The following JPH2 variants were observed in gnomAD, a reference collection of about 807,000 sequenced individuals.
The protein encoded by JPH2 is junctophilin-2.
In JPH2, 38 loss-of-function variants were observed where a neutral mutation model predicts 55.9. The observed-to-expected ratio is 0.68, with a 90% CI of 0.52 to 0.89. The LOEUF (loss-of-function observed/expected upper bound fraction) is 0.89, where lower values mean the gene tolerates loss of function less well. JPH2 is among the 40% of genes least tolerant of loss of function. The pLI is 0.00. For missense variants in JPH2, 964 were observed against 1,037.6 expected (o/e 0.93, Z 0.97); for synonymous variants, 480 against 472.4 (o/e 1.02, Z -0.21).
At chr20:44,167,202 C>T (rs75337064) in intron 1 of JPH2, among the ~76,000 whole-genome samples, 2,463 of 152,282 alleles carry the variant, frequency 0.016, 83 homozygotes, top group African/African-American at 0.057. Flanking sequence ...GCACTTTCCA[C>T]AGGTGCCATT....
At chr20:44,163,006 C>T (rs2072626853) in intron 1 of JPH2, among the ~76,000 whole-genome samples, 1 of 151,724 alleles carries the variant, frequency 6.6e-6, no homozygotes, top group South Asian at 2.1e-4. Flanking sequence ...TGCCTGCACC[C>T]CCACCACCCT....
At chr20:44,140,118 G>A (rs575703955) in intron 2 of JPH2, among the ~76,000 whole-genome samples, 4 of 152,240 alleles carry the variant, frequency 2.6e-5, no homozygotes, top group South Asian at 2.1e-4. Flanking sequence ...TGATCTGCCC[G>A]CCTCGGCCTC....
chr20:44,153,663 G>A (rs569752629), intron 2 of JPH2, among the ~76,000 whole-genome samples: 9 of 152,320 alleles, frequency 5.9e-5, no homozygotes, highest in Admixed American at 2.6e-4. Context: ...CCTCTGCCAC[G>A]GGGGCACAAC....
intron 2 of JPH2, among the ~76,000 whole-genome samples, chr20:44,153,517 C>T (rs1335160325): frequency 6.6e-6 from 1 of 152,182 alleles, no homozygotes; most frequent in African/African-American, 2.4e-5. Flanking sequence ...TTCGGAGTTT[C>T]CAGAGCCAGC....
At chr20:44,165,560 G>A (rs1369786070) in intron 1 of JPH2, among the ~76,000 whole-genome samples, 1 of 152,094 alleles carries the variant, frequency 6.6e-6, no homozygotes, top group South Asian at 2.1e-4. Flanking sequence ...GTCAGATTAC[G>A]ACACTGCACT....
chr20:44,149,426 C>T (rs528717570), intron 2 of JPH2, among the ~76,000 whole-genome samples: 6 of 152,358 alleles, frequency 3.9e-5, no homozygotes, highest in South Asian at 4.1e-4. Flanking sequence ...ATGATTTCTC[C>T]GCCTGCATAA....
At position 44,134,091 on chromosome 20, in the gene JPH2, T is replaced by C. The variant is rs1357391136; in HGVS notation, c.1170-15468A>G. On this transcript the variant is annotated intron_variant, in intron 2 of 5. Transcript: ENST00000372980. Reference sequence around the variant, plus strand: ...TATATAAATATATATTTATTATAAATATATATTTATTATAAATATATAAAT... The same window carrying C: ...TATATAAATATATATTTATTATAAACATATATTTATTATAAATATATAAAT... 5.3e-5 allele frequency among the ~76,000 whole-genome samples: 2 copies of C among 37,558 alleles called. 1 individual carries two copies. The highest frequency in any genetic ancestry group is 8.9e-5 in the Non-Finnish European group (2 of 22,530). 24.6% of individuals were successfully genotyped at this position (37,558 alleles called of 152,430 possible). A position where few individuals can be genotyped will look rare whatever the true frequency, so the allele number is the denominator to read the frequency against.
chr20:44,157,638 T>C (rs148570948), intron 2 of JPH2, among the ~76,000 whole-genome samples: 20 of 152,276 alleles, frequency 1.3e-4, no homozygotes, highest in African/African-American at 4.3e-4. Flanking sequence ...GATGAGATCA[T>C]TGAGATTAGA....
At position 44,159,889 on chromosome 20, in the gene JPH2, G is replaced by A; in HGVS notation, c.898C>T (p.Arg300Cys). ...TYMGEWKNDK[R>C]SGFGVSERSS... Reference sequence around the variant, plus strand: ...CGTTCGCTCACGCCGAAGCCCGAGCGTTTGTCGTTCTTCCACTCGCCCATG... The same window carrying A: ...CGTTCGCTCACGCCGAAGCCCGAGCATTTGTCGTTCTTCCACTCGCCCATG... Residue 300 changes from arginine (R) to cysteine (C), a missense_variant, in exon 2 of 6, where the codon CGC becomes TGC. By Grantham distance (180) the Arg-to-Cys change is radical. Transcript: ENST00000372980. The surrounding 1 kb of genome is among the most constrained non-coding windows in gnomAD (Gnocchi z 5.7). 1.2e-6 allele frequency: 2 copies of A among 1,613,416 alleles called. 1 individual carries two copies. The highest frequency in any genetic ancestry group is 1.7e-6 in the Non-Finnish European group (2 of 1,179,836).
At chr20:44,132,456 C>T (rs2072328692) in intron 2 of JPH2, among the ~76,000 whole-genome samples, 1 of 150,604 alleles carries the variant, frequency 6.6e-6, no homozygotes, top group African/African-American at 2.4e-5. Context: ...CCCACCCCAT[C>T]CATTCCCTAC....
chr20:44,136,430 G>T (rs1175467544), intron 2 of JPH2, among the ~76,000 whole-genome samples: 1 of 138,892 alleles, frequency 7.2e-6, no homozygotes, highest in African/African-American at 2.8e-5. Flanking sequence ...GAATCCCCTG[G>T]GACTCATCGC....
Position 44,130,304 on chromosome 20 carries a change from G to A in JPH2, c.1170-11681C>T, listed in dbSNP as rs559447442. On this transcript the variant is annotated intron_variant, in intron 2 of 5. Coordinates refer to ENST00000372980, the MANE Select transcript of JPH2 (RefSeq NM_020433.5). ...CTTTCTACAGGGCCCAGCAGCTGTG[G>A]TTGCCTCAGCCCAGTCTTGTCCCCC... 2.6e-5 allele frequency among the ~76,000 whole-genome samples: 4 copies of A among 152,334 alleles called. No individual in the cohort carries two copies. In the South Asian group the frequency reaches 8.3e-4, roughly 32 times the overall value.
chr20:44,115,789 G>C lies in JPH2; in HGVS notation c.1886C>G (p.Pro629Arg), dbSNP rs2072184636. 1.9e-6 allele frequency: 3 copies of C among 1,609,746 alleles called. No homozygotes were observed. Among genetic ancestry groups the C allele is most frequent in the African/African-American group, 2.7e-5 (2 of 74,912 alleles). ...PAKLEPKPII[P>R]KAEPRAKARK... ...GGCCTTGGCCCTGGGCTCGGCTTTG[G>C]GGATGATGGGCTTGGGCTCCAGCTT... The change falls in exon 4 of 6, where the codon CCC becomes CGC. Residue 629 changes from proline (P) to arginine (R), a missense_variant. Pro to Arg is a moderately radical substitution (Grantham distance 103). Coordinates refer to ENST00000372980, the MANE Select transcript of JPH2 (RefSeq NM_020433.5).
chr20:44,127,487 C>CTT (rs556108505), intron 2 of JPH2, among the ~76,000 whole-genome samples: 86 of 140,926 alleles, frequency 6.1e-4, no homozygotes, highest in South Asian at 3.4e-3. Flanking sequence ...TATCATCCTT[C>CTT]TTTTTTTTTT....
At chr20:44,122,989 G>A (rs1302800492) in intron 2 of JPH2, among the ~76,000 whole-genome samples, 1 of 152,086 alleles carries the variant, frequency 6.6e-6, no homozygotes, top group Non-Finnish European at 1.5e-5. Context: ...CCCACTTTCT[G>A]GTGCCTTTGG....
At chr20:44,125,747 GGTGCAGACCCTGGCTCTGCTCCTCA>G (rs1485118622) in intron 2 of JPH2, among the ~76,000 whole-genome samples, 1 of 152,124 alleles carries the variant, frequency 6.6e-6, no homozygotes, top group African/African-American at 2.4e-5. Flanking sequence ...AGATTGCCCG[GGTGCAGACCCTGGCTCTGCTCCTCA>G]TCACCTTAAG....
Position 44,110,225 on chromosome 20 carries a change from T to TACACAC in JPH2, c.*3287_*3292dup, listed in dbSNP as rs138602954. ...CCCCAACTCATCCAACACACACACATACACACACACACACAGACACACCCC... is the reference window on the plus strand; with the variant it reads ...CCCCAACTCATCCAACACACACACATACACACACACACACACACACAGACACACCCC... On this transcript the variant is annotated 3_prime_UTR_variant, in exon 6 of 6. Transcript: ENST00000372980. 7.7e-3 allele frequency among the ~76,000 whole-genome samples: 1,162 copies of TACACAC among 150,130 alleles called. 15 individuals are homozygous for TACACAC. Among genetic ancestry groups the TACACAC allele is most frequent in the African/African-American group, 0.028 (1,133 of 40,916 alleles).
In JPH2 at chr20:44,160,195, C is replaced by T. The variant is rs1317003370; in HGVS notation, c.592G>A (p.Gly198Ser). The stretch of plus-strand genomic sequence containing the variant: ...GCCAGGAGGCTGAGCGCGAAGCCGC[C>T]ACGCGGGATGGCGGGCGAGGGCAGC... ...PALPSPAIPR[G>S]GFALSLLANA... is the part of the protein sequence containing the mutation. The change falls in exon 2 of 6, where the codon GGC (glycine) becomes AGC (serine). Residue 198 changes from glycine to serine, a missense_variant. Gly to Ser is a moderately conservative substitution (Grantham distance 56). Transcript: ENST00000372980. This position sits in a 1 kb window ranked among gnomAD's most constrained non-coding sequence, Gnocchi z 4.9. 1.4e-6 allele frequency: 2 copies of T among 1,402,424 alleles called. No individual in the cohort carries two copies. The highest frequency in any genetic ancestry group is 9.2e-7 in the Non-Finnish European group (1 of 1,088,184). The allele number at this position is 1,402,424 out of a possible 1,614,324, so 86.9% of individuals were successfully genotyped here. A position where few individuals can be genotyped will look rare whatever the true frequency, so the allele number is the denominator to read the frequency against.
intron 1 of JPH2, among the ~76,000 whole-genome samples, chr20:44,171,467 G>A (rs2072697619): frequency 2.0e-5 from 3 of 152,260 alleles, no homozygotes; most frequent in Middle Eastern, 3.4e-3. Flanking sequence ...GTCTGAAGGG[G>A]TAGCCTAGAA....
Sources: gnomAD v4.1 joint callset for allele counts (sites outside exome capture counted in the v4.1 genomes callset) on GRCh38, gnomAD v4.1.1 for gene constraint, Gnocchi (gnomAD v3.1) non-coding constraint, MANE v1.5 for transcripts, NCBI Gene and HGNC (gene_info 2026-07-23, HGNC 2026-07-21) for gene names.